Variants in ECE1 observed in about 807,000 individuals in gnomAD.
The protein encoded by ECE1 is endothelin converting enzyme 1.
In ECE1, 35 loss-of-function variants were observed where a neutral mutation model predicts 98.6. The ratio of observed to expected loss-of-function variants is 0.35; its 90% CI spans 0.27 to 0.47. The LOEUF is 0.47. Among genes scored for constraint, ECE1 ranks in the 20% least tolerant of loss-of-function variants. The probability of loss-of-function intolerance (pLI) is 1.00; values close to 1 mark genes in which losing one functional copy is unlikely to be tolerated. For synonymous variants in ECE1, 394 were observed against 407.1 expected, an observed-to-expected ratio of 0.97 and a Z score of 0.39; for missense variants, 814 against 1,025.3, an observed-to-expected ratio of 0.79 and a Z score of 2.81.
chr1:21,256,915 GCATCAGGCA>G (rs1213614491), intron 7 of ECE1, among the ~76,000 whole-genome samples: 4 of 152,094 alleles, frequency 2.6e-5, no homozygotes, highest in Admixed American at 1.3e-4. Context: ...CATCTCCCCA[GCATCAGGCA>G]CTCTGTGGGC....
intron 1 of ECE1, among the ~76,000 whole-genome samples, chr1:21,312,095 C>A (rs1159662471): frequency 6.7e-6 from 1 of 148,198 alleles, no homozygotes; most frequent in African/African-American, 2.5e-5. Context: ...TGCACTCCAG[C>A]CTGAGCGACA....
chr1:21,285,850 C>G (rs1039276498), intron 2 of ECE1, among the ~76,000 whole-genome samples: 1 of 151,624 alleles, frequency 6.6e-6, no homozygotes, highest in Non-Finnish European at 1.5e-5. Flanking sequence ...AAATTAGTCA[C>G]GCATGGTGGC....
intron 4 of ECE1, among the ~76,000 whole-genome samples, chr1:21,272,123 T>C (rs2103321584): frequency 6.6e-6 from 1 of 152,292 alleles, no homozygotes; most frequent in South Asian, 2.1e-4. Context: ...ACATGTGCTC[T>C]CTAGTTCTCA....
intron 1 of ECE1, among the ~76,000 whole-genome samples, chr1:21,332,290 C>T (rs1400391207): frequency 6.6e-6 from 1 of 151,986 alleles, no homozygotes; most frequent in Non-Finnish European, 1.5e-5. Flanking sequence ...ACACTGGGAA[C>T]GCAGAGGTGA....
intron 2 of ECE1, among the ~76,000 whole-genome samples, chr1:21,284,160 A>G (rs908922735): frequency 6.6e-6 from 1 of 152,208 alleles, no homozygotes; most frequent in Non-Finnish European, 1.5e-5. Flanking sequence ...AGCCTCCTTC[A>G]TGGGACTGTG....
intron 9 of ECE1, among the ~76,000 whole-genome samples, chr1:21,246,582 A>G (rs1319512658): frequency 1.3e-5 from 2 of 152,268 alleles, no homozygotes; most frequent in African/African-American, 4.8e-5. Context: ...GAGTCCCAGT[A>G]TATGCTAGGC....
chr1:21,248,397 C>G (rs1208082272), intron 8 of ECE1, among the ~76,000 whole-genome samples: 5 of 152,210 alleles, frequency 3.3e-5, no homozygotes, highest in African/African-American at 1.2e-4. Context: ...TGGCCTTGAA[C>G]TCCTGACCTC....
At chr1:21,279,499 A>T in intron 2 of ECE1, 167 bp from the exon 3 acceptor site, 1 of 1,491,558 alleles carries the variant, frequency 6.7e-7, no homozygotes. Flanking sequence ...CCAGGAAAGG[A>T]ACAGCCACCC....
In ECE1 at chr1:21,219,815, C is replaced by T; in HGVS notation, c.*140G>A. On this transcript the variant is annotated 3_prime_UTR_variant, in exon 19 of 19. Coordinates refer to ENST00000374893, the MANE Select transcript of ECE1 (RefSeq NM_001397.3). The surrounding 1 kb of genome is among the most constrained non-coding windows in gnomAD (Gnocchi z 4.5). ...ACGTTGAGAGCCAACACCATGGGCT[C>T]GGTTCCGGCTGAAAACCCGCCAGTG... 6 of 1,093,538 alleles carry T rather than the reference C, an allele frequency of 5.5e-6. No homozygotes were observed. In the South Asian group the frequency reaches 5.5e-5, roughly 10 times the overall value. The allele number at this position is 1,093,538 out of a possible 1,614,324, so 67.7% of individuals were successfully genotyped here. A position where few individuals can be genotyped will look rare whatever the true frequency, so the allele number is the denominator to read the frequency against.
intron 7 of ECE1, 33 bp downstream of exon 7, chr1:21,257,492 G>C (rs780730776): frequency 6.8e-6 from 11 of 1,612,566 alleles, no homozygotes; most frequent in Non-Finnish European, 9.3e-6. Context: ...GACCGTGCTG[G>C]GAGGCAGGCT....
In ECE1 at chr1:21,277,197, G is replaced by C. The variant is rs1262722500; in HGVS notation, c.280+1994C>G. Reference sequence around the variant, plus strand: ...AAGAATGTTCCTCTCCCAGGTCCAGGCTGGAGAAAACCCTTCTGAGACCCA... The same window carrying C: ...AAGAATGTTCCTCTCCCAGGTCCAGCCTGGAGAAAACCCTTCTGAGACCCA... On this transcript the variant is annotated intron_variant, in intron 3 of 18. Transcript: ENST00000374893. Among the ~76,000 whole-genome samples the C allele has an allele frequency of 2.0e-5, 3 of 152,190 alleles. No individual in the cohort carries two copies. The East Asian group carries it at 5.8e-4, about 29-fold the overall frequency.
chr1:21,263,359 TTA>T (rs1297860740), intron 4 of ECE1, among the ~76,000 whole-genome samples: 2 of 113,714 alleles, frequency 1.8e-5, no homozygotes, highest in Non-Finnish European at 3.7e-5. Context: ...TTTTTTATAT[TTA>T]TTTTTTTTTT....
chr1:21,323,751 GA>G (rs1558433379), intron 1 of ECE1, among the ~76,000 whole-genome samples: 1 of 151,952 alleles, frequency 6.6e-6, no homozygotes, highest in East Asian at 1.9e-4. Flanking sequence ...TAGACTGTGG[GA>G]GGGGCTAAGG....
Position 21,241,915 on chromosome 1 carries a change from TG to T in ECE1, c.1278+3073del, listed in dbSNP as rs377691929. 1.2e-3 allele frequency among the ~76,000 whole-genome samples: 188 copies of T among 152,274 alleles called. 6 individuals carry two copies. The South Asian group carries it at 0.038, about 31-fold the overall frequency. ...TTGCAGGAGATCTATGAGTCAGGTC[TG>T]GGAAGATGAAGAGCAGCCAGGCAGC... On this transcript the variant is annotated intron_variant, in intron 10 of 18. Coordinates refer to ENST00000374893, the MANE Select transcript of ECE1 (RefSeq NM_001397.3).
upstream of ECE1, among the ~76,000 whole-genome samples, chr1:21,292,152 T>C (rs890122000): frequency 6.6e-6 from 1 of 151,882 alleles, no homozygotes; most frequent in East Asian, 1.9e-4. Context: ...CAAGATCTTG[T>C]CTGAGTAAAT....
At chr1:21,338,583 T>C (rs375616787) in intron 1 of ECE1, among the ~76,000 whole-genome samples, 1 of 152,234 alleles carries the variant, frequency 6.6e-6, no homozygotes, top group Non-Finnish European at 1.5e-5. Context: ...AGTATTATAC[T>C]TGTCATCCTG....
At position 21,219,214 on chromosome 1, in the gene ECE1, C is replaced by G. The variant is rs975432078; in HGVS notation, c.*741G>C. The G allele has an allele frequency of 6.6e-6, 1 of 152,598 alleles. No homozygotes were observed. The highest frequency in any genetic ancestry group is 6.5e-5 in the Admixed American group (1 of 15,302). 9.5% of individuals were successfully genotyped at this position (152,598 alleles called of 1,614,324 possible). ...CAGAACTTCCCAGCTAGGGCTCCCA[C>G]TGTTGGACTCAGGGGACGGAGGCAG... On this transcript the variant is annotated 3_prime_UTR_variant, in exon 19 of 19. Transcript: ENST00000374893. This position sits in a 1 kb window ranked among gnomAD's most constrained non-coding sequence, Gnocchi z 4.5.
intron 1 of ECE1, among the ~76,000 whole-genome samples, chr1:21,337,051 C>T (rs1338247962): frequency 6.6e-6 from 1 of 152,010 alleles, no homozygotes; most frequent in Admixed American, 6.6e-5. Context: ...AAAACAACAA[C>T]AAAAAAAGAA....
chr1:21,291,184 G>T (rs1414695536), upstream of ECE1, among the ~76,000 whole-genome samples: 1 of 152,136 alleles, frequency 6.6e-6, no homozygotes, highest in East Asian at 1.9e-4. Flanking sequence ...GGCAGGGAAA[G>T]GGGGCTCTCT....
Sources: gnomAD v4.1 joint callset for allele counts (sites outside exome capture counted in the v4.1 genomes callset) on GRCh38, gnomAD v4.1.1 for gene constraint, Gnocchi (gnomAD v3.1) non-coding constraint, MANE v1.5 for transcripts, NCBI Gene and HGNC (gene_info 2026-07-23, HGNC 2026-07-21) for gene names.